Variants in CDC5L observed in about 807,000 individuals in gnomAD.
CDC5L encodes cell division cycle 5-like protein.
Under a neutral mutation model 104.1 loss-of-function variants are expected in CDC5L, and 18 were observed. That is an observed-to-expected ratio of 0.17 (90% CI 0.12 to 0.26). CDC5L has a LOEUF of 0.26. Ranked by LOEUF, CDC5L falls within the 10% of genes least tolerant of loss-of-function variation. The probability of loss-of-function intolerance (pLI) is 1.00; values close to 1 mark genes in which losing one functional copy is unlikely to be tolerated. For missense variants in CDC5L, 673 were observed against 956.9 expected, an observed-to-expected ratio of 0.70 and a Z score of 3.91; for synonymous variants, 331 against 322.7, an observed-to-expected ratio of 1.03 and a Z score of -0.28.
intron 8 of CDC5L, among the ~76,000 whole-genome samples, chr6:44,411,633 A>AGTGTGTGT (rs780216018): frequency 1.7e-4 from 10 of 58,080 alleles, no homozygotes; most frequent in African/African-American, 4.3e-4. Flanking sequence ...AGAGAGAGAG[A>AGTGTGTGT]GAGAGTGTGT....
At position 44,426,140 on chromosome 6, in the gene CDC5L, G is replaced by A. The variant is rs374722205; in HGVS notation, c.1607G>A (p.Arg536Gln). ...GCAGAGCGTGTAAAGGAAATGAAAC[G>A]AATGCATAAAGCTGTCCAGAAAGAT... ...RDAERVKEMK[R>Q]MHKAVQKDLP... is the part of the protein sequence containing the mutation. Residue 536 changes from arginine to glutamine, a missense_variant, in exon 12 of 16, where the codon CGA (arginine) becomes CAA (glutamine). Coordinates refer to ENST00000371477, the MANE Select transcript of CDC5L (RefSeq NM_001253.4). 6.8e-6 allele frequency: 11 copies of A among 1,606,398 alleles called. No individual in the cohort carries two copies. The Admixed American group carries it at 1.0e-4, about 15-fold the overall frequency.
intron 8 of CDC5L, among the ~76,000 whole-genome samples, chr6:44,414,382 C>CTGTGTGTG (rs58800666): frequency 8.5e-5 from 11 of 130,036 alleles, no homozygotes; most frequent in South Asian, 5.7e-4. Context: ...CTGGCCTGGC[C>CTGTGTGTG]TGTGTGTGTG....
At chr6:44,429,991 C>A in intron 14 of CDC5L, 81 bp downstream of exon 14, 1 of 1,076,010 alleles carries the variant, frequency 9.3e-7, no homozygotes, top group Non-Finnish European at 1.4e-6. Context: ...GAGACAATGT[C>A]AGAAAAACAC....
intron 8 of CDC5L, among the ~76,000 whole-genome samples, chr6:44,414,396 G>A (rs1211215751): frequency 6.9e-6 from 1 of 145,474 alleles, no homozygotes; most frequent in Non-Finnish European, 1.5e-5. Flanking sequence ...GTGTGTGTGT[G>A]TGTGTGTGTG....
chr6:44,429,423 C>T (rs1286327863), intron 13 of CDC5L, among the ~76,000 whole-genome samples: 1 of 152,160 alleles, frequency 6.6e-6, no homozygotes, highest in African/African-American at 2.4e-5. Flanking sequence ...GTTTCTCACA[C>T]ACACAATAGG....
chr6:44,402,001 T>A (rs1447020577), intron 5 of CDC5L, among the ~76,000 whole-genome samples: 20 of 133,852 alleles, frequency 1.5e-4, no homozygotes, highest in Middle Eastern at 3.6e-3. Flanking sequence ...TTTTTATGGC[T>A]GCATAGTATT....
chr6:44,392,232 G>T (rs953917944), intron 2 of CDC5L, among the ~76,000 whole-genome samples: 3 of 152,114 alleles, frequency 2.0e-5, no homozygotes, highest in Non-Finnish European at 4.4e-5. Context: ...GAAAGGTTAC[G>T]GTGAATTTAG....
At chr6:44,444,054 T>C (rs1302627020) in intron 14 of CDC5L, among the ~76,000 whole-genome samples, 1 of 152,200 alleles carries the variant, frequency 6.6e-6, no homozygotes, top group East Asian at 1.9e-4. Context: ...TCTCTATTCT[T>C]GGTGCCATAT....
At chr6:44,439,362 A>T (rs1482276443) in intron 14 of CDC5L, among the ~76,000 whole-genome samples, 2 of 152,208 alleles carry the variant, frequency 1.3e-5, no homozygotes, top group Non-Finnish European at 2.9e-5. Flanking sequence ...CTCTTGGGAA[A>T]TACTGGGAGT....
chr6:44,399,903 G>T lies in CDC5L; in HGVS notation c.539+3463G>T, dbSNP rs151058015. Among the ~76,000 whole-genome samples, 1,209 of 151,972 alleles carry T rather than the reference G, an allele frequency of 8.0e-3. 21 individuals carry two copies. The highest frequency in any genetic ancestry group is 0.028 in the African/African-American group (1,155 of 41,436). ...CTTGACCTCGTGATCTGCCTGCCTC[G>T]GCCTTCCAAAGTGCTGGGATTACAG... On this transcript the variant is annotated intron_variant, in intron 5 of 15. Coordinates refer to ENST00000371477, the MANE Select transcript of CDC5L (RefSeq NM_001253.4).
rs550567686 is a variant in CDC5L at position 44,446,623 on chromosome 6, T to G, written c.2321T>G (p.Val774Gly). The G allele has an allele frequency of 6.3e-7, 1 of 1,576,070 alleles. No homozygotes were observed. The highest frequency in any genetic ancestry group is 1.2e-5 in the South Asian group (1 of 85,472). ...TTCTTTAAGTGTCTAAAAGAAGACG[T>G]TCAGCGACAACAAGAAAGAGAAAAG... ...PRRLECLKED[V>G]QRQQEREKEL... The change falls in exon 16 of 16, where the codon GTT becomes GGT. Residue 774 changes from valine (V) to glycine (G), a missense_variant. This residue lies in a region of CDC5L where 578 missense variants were observed against 737.0 expected (regional missense o/e 0.78). Transcript: ENST00000371477.
At position 44,445,665 on chromosome 6, in the gene CDC5L, G is replaced by T. The variant is rs780255438; in HGVS notation, c.2102G>T (p.Gly701Val). The T allele has an allele frequency of 3.1e-6, 5 of 1,613,346 alleles. No individual in the cohort carries two copies. The highest frequency in any genetic ancestry group is 2.2e-5 in the East Asian group (1 of 44,864). Residue 701 changes from glycine to valine, a missense_variant, in exon 15 of 16, where the codon GGT becomes GTT. Coordinates refer to ENST00000371477, the MANE Select transcript of CDC5L (RefSeq NM_001253.4). ...TCCCCTGCTCTCCAGATAAACAGGG[G>T]TCACATGACGACAGAAGCCAAGAGG... Reference protein sequence around the residue: ...SLEKRLEINRGHMTTEAKRAA... With the variant: ...SLEKRLEINRVHMTTEAKRAA...
At chr6:44,442,404 TGTG>T (rs1209582522) in intron 14 of CDC5L, among the ~76,000 whole-genome samples, 27 of 151,786 alleles carry the variant, frequency 1.8e-4, no homozygotes, top group African/African-American at 6.5e-4. Context: ...TGTGTGTGTG[TGTG>T]TGTCTTAATG....
Position 44,446,603 on chromosome 6 carries a change from T to A in CDC5L, c.2305-4T>A, listed in dbSNP as rs751552248. On this transcript the variant is annotated splice_polypyrimidine_tract_variant and splice_region_variant and intron_variant, in intron 15 of 15. Coordinates refer to ENST00000371477, the MANE Select transcript of CDC5L (RefSeq NM_001253.4). ...AAATAATTACTTAATTTTTTTTCTT[T>A]AAGTGTCTAAAAGAAGACGTTCAGC... 2 of 1,470,624 alleles carry A rather than the reference T, an allele frequency of 1.4e-6. No homozygotes were observed. Among genetic ancestry groups the A allele is most frequent in the South Asian group, 2.5e-5 (2 of 79,832 alleles). The allele number at this position is 1,470,624 out of a possible 1,614,324, so 91.1% of individuals were successfully genotyped here. A position where few individuals can be genotyped will look rare whatever the true frequency, so the allele number is the denominator to read the frequency against.
chr6:44,417,097 C>T (rs1486050887), intron 8 of CDC5L, among the ~76,000 whole-genome samples: 9 of 152,142 alleles, frequency 5.9e-5, no homozygotes, highest in Admixed American at 5.2e-4. Flanking sequence ...GGAATTCAGA[C>T]AGGGCACAGA....
At chr6:44,399,034 G>T (rs1790997699) in intron 5 of CDC5L, among the ~76,000 whole-genome samples, 1 of 152,212 alleles carries the variant, frequency 6.6e-6, no homozygotes, top group Non-Finnish European at 1.5e-5. Context: ...GTTCACTGCA[G>T]CCCTGCACAC....
intron 9 of CDC5L, among the ~76,000 whole-genome samples, chr6:44,419,804 C>G (rs1225504011): frequency 6.6e-6 from 1 of 152,094 alleles, no homozygotes; most frequent in Non-Finnish European, 1.5e-5. Flanking sequence ...TGGAGTCTCG[C>G]TCTGTTACCC....
intron 2 of CDC5L, among the ~76,000 whole-genome samples, chr6:44,391,469 T>C (rs958928571): frequency 7.9e-5 from 12 of 151,962 alleles, no homozygotes; most frequent in African/African-American, 2.4e-4. Flanking sequence ...AGGATGGTCT[T>C]GATCTCCTGA....
intron 6 of CDC5L, among the ~76,000 whole-genome samples, chr6:44,404,649 T>C (rs1227641313): frequency 6.6e-6 from 1 of 152,178 alleles, no homozygotes; most frequent in Admixed American, 6.5e-5. Flanking sequence ...GTTTTACTAG[T>C]GGCTGAGGAA....
Sources: allele counts gnomAD v4.1 joint callset (sites outside exome capture counted in the v4.1 genomes callset), GRCh38; gene constraint gnomAD v4.1.1; regional missense constraint gnomAD v4.1.1; transcripts MANE v1.5; gene names NCBI Gene and HGNC (gene_info 2026-07-23, HGNC 2026-07-21).